Variants in CD300LD observed in about 807,000 individuals in gnomAD.
CD300LD encodes CMRF35-like molecule 5.
CD300LD carries 18 observed loss-of-function variants against 20.3 expected under a neutral mutation model. That is an observed-to-expected ratio of 0.89 (90% CI 0.61 to 1.32). CD300LD has a LOEUF of 1.32. Among genes scored for constraint, CD300LD ranks in the 40% most tolerant of loss-of-function variants. CD300LD has a pLI of 0.00. For synonymous variants in CD300LD, 104 were observed against 90.1 expected, an observed-to-expected ratio of 1.15 and a Z score of -0.87; for missense variants, 195 against 226.6, an observed-to-expected ratio of 0.86 and a Z score of 0.90.
chr17:74,579,795 G>A lies in CD300LD; in HGVS notation c.*207C>T, dbSNP rs1020590276. On this transcript the variant is annotated 3_prime_UTR_variant, in exon 4 of 4. Transcript: ENST00000375352. ...AGCTACTCTGGAGGTTGAGGCAGGAGGATCGCTTGAGCCTGGGAGGGGAAA... is the reference window on the plus strand; with the variant it reads ...AGCTACTCTGGAGGTTGAGGCAGGAAGATCGCTTGAGCCTGGGAGGGGAAA... The A allele has an allele frequency of 9.7e-5, 34 of 349,000 alleles. No individual in the cohort carries two copies. Among genetic ancestry groups the A allele is most frequent in the Non-Finnish European group, 1.5e-4 (28 of 183,906 alleles). 21.6% of individuals were successfully genotyped at this position (349,000 alleles called of 1,614,324 possible).
At chr17:74,586,161 G>T (rs935304335) in intron 2 of CD300LD, among the ~76,000 whole-genome samples, 1 of 152,204 alleles carries the variant, frequency 6.6e-6, no homozygotes, top group Non-Finnish European at 1.5e-5. Context: ...TTGTAAATGT[G>T]CACTGGCATC....
intron 2 of CD300LD, among the ~76,000 whole-genome samples, chr17:74,584,084 C>G (rs72844353): frequency 0.18 from 26,603 of 152,016 alleles, 2,496 homozygotes; most frequent in African/African-American, 0.23. Context: ...AAAATCCACT[C>G]ACTTGAATTG....
chr17:74,581,858 A>C (rs2030043193), intron 3 of CD300LD, among the ~76,000 whole-genome samples: 1 of 152,204 alleles, frequency 6.6e-6, no homozygotes, highest in South Asian at 2.1e-4. Context: ...CCTCAAAGGT[A>C]AACTGAGATT....
chr17:74,586,402 C>T (rs971496193), intron 2 of CD300LD, among the ~76,000 whole-genome samples: 1 of 152,148 alleles, frequency 6.6e-6, no homozygotes, highest in African/African-American at 2.4e-5. Context: ...TCTTATAATG[C>T]AGCCCCCCAC....
At chr17:74,580,466 C>A (rs372123980) in intron 3 of CD300LD, among the ~76,000 whole-genome samples, 1 of 152,254 alleles carries the variant, frequency 6.6e-6, no homozygotes, top group South Asian at 2.1e-4. Context: ...AGGGCCTCTC[C>A]GCCCTCATCG....
chr17:74,586,168 C>T (rs1158730568), intron 2 of CD300LD, among the ~76,000 whole-genome samples: 2 of 152,176 alleles, frequency 1.3e-5, no homozygotes, highest in African/African-American at 4.8e-5. Context: ...TGTGCACTGG[C>T]ATCTGTGAGA....
At chr17:74,584,890 C>T (rs370951426) in intron 2 of CD300LD, 1 of 152,536 alleles carries the variant, frequency 6.6e-6, no homozygotes, top group African/African-American at 2.4e-5. Context: ...AACCCTGGAA[C>T]AAGTCTGCCG....
At chr17:74,580,698 G>A (rs1719463) in intron 3 of CD300LD, among the ~76,000 whole-genome samples, 1,558 of 152,084 alleles carry the variant, frequency 0.01, 35 homozygotes, top group African/African-American at 0.036. Context: ...CCAGGGTCTC[G>A]ACCTCCCAAC....
In CD300LD at chr17:74,579,939, T is replaced by A; in HGVS notation, c.*63A>T. ...TGTTTTTTCTTCTGTGGGAGGGCCT[T>A]TCGCCCTGGACAGGACGTCAATGGG... On this transcript the variant is annotated 3_prime_UTR_variant, in exon 4 of 4. Coordinates refer to ENST00000375352, the MANE Select transcript of CD300LD (RefSeq NM_001115152.2). 1 of 1,005,450 alleles carries A rather than the reference T, an allele frequency of 9.9e-7. No homozygotes were observed. Among genetic ancestry groups the A allele is most frequent in the South Asian group, 1.4e-5 (1 of 72,762 alleles). 62.3% of individuals were successfully genotyped at this position (1,005,450 alleles called of 1,614,324 possible).
intron 3 of CD300LD, among the ~76,000 whole-genome samples, chr17:74,580,395 T>G (rs2030007298): frequency 6.6e-6 from 1 of 152,230 alleles, no homozygotes; most frequent in Non-Finnish European, 1.5e-5. Context: ...TCACCTATCT[T>G]GAAGGGGTTT....
At chr17:74,581,241 C>G (rs964852915) in intron 3 of CD300LD, among the ~76,000 whole-genome samples, 1 of 151,054 alleles carries the variant, frequency 6.6e-6, no homozygotes, top group Non-Finnish European at 1.5e-5. Flanking sequence ...GATGCATTCT[C>G]AGAACTCAAG....
chr17:74,578,760 C>T (rs1375291745), downstream of CD300LD, among the ~76,000 whole-genome samples: 1 of 152,148 alleles, frequency 6.6e-6, no homozygotes, highest in African/African-American at 2.4e-5. Flanking sequence ...GATCCTGGTT[C>T]ATGTTCCCAG....
chr17:74,585,463 G>A (rs367886188), intron 2 of CD300LD, among the ~76,000 whole-genome samples: 130 of 152,274 alleles, frequency 8.5e-4, no homozygotes, highest in African/African-American at 2.9e-3. Context: ...CCCTCCAGTA[G>A]CAGAAACGTC....
chr17:74,585,751 G>A (rs886537664), intron 2 of CD300LD, among the ~76,000 whole-genome samples: 2 of 152,200 alleles, frequency 1.3e-5, no homozygotes, highest in Non-Finnish European at 2.9e-5. Context: ...ACCCTTTGAT[G>A]TAAAGCATTT....
chr17:74,588,768 T>C lies in CD300LD; in HGVS notation c.122A>G (p.Tyr41Cys), dbSNP rs1172905801. 6 of 1,614,098 alleles carry C rather than the reference T, an allele frequency of 3.7e-6. No homozygotes were observed. In the Admixed American group the frequency reaches 5.0e-5, roughly 13 times the overall value. ...CAAGTAGGTCTCCCAGCCTGAGCCA[T>C]AAGCACACTGCACAGTCAATGAGCC... ...EQGSLTVQCAYGSGWETYLKW... is the reference protein window; with the variant it reads ...EQGSLTVQCACGSGWETYLKW... Residue 41 changes from tyrosine (Y) to cysteine (C), a missense_variant, in exon 2 of 4, where the codon TAT becomes TGT. Coordinates refer to ENST00000375352, the MANE Select transcript of CD300LD (RefSeq NM_001115152.2).
In CD300LD at chr17:74,579,897, A is replaced by G; in HGVS notation, c.*105T>C. The G allele has an allele frequency of 1.5e-6, 1 of 655,838 alleles. No homozygotes were observed. The highest frequency in any genetic ancestry group is 2.7e-6 in the Non-Finnish European group (1 of 374,822). The allele number at this position is 655,838 out of a possible 1,614,324, so 40.6% of individuals were successfully genotyped here. The stretch of plus-strand genomic sequence containing the variant: ...AAGACTCTATCTCTAGAAAGAAAAA[A>G]AGAAGAGAAAAGAAAATGTTTTTTC... On this transcript the variant is annotated 3_prime_UTR_variant, in exon 4 of 4. Coordinates refer to ENST00000375352, the MANE Select transcript of CD300LD (RefSeq NM_001115152.2).
chr17:74,579,969 G>T lies in CD300LD; in HGVS notation c.*33C>A. ...CCTGGACAGGACGTCAATGGGCATT[G>T]GGACTCTCATCATCGGGCTGACTCC... On this transcript the variant is annotated 3_prime_UTR_variant, in exon 4 of 4. Coordinates refer to ENST00000375352, the MANE Select transcript of CD300LD (RefSeq NM_001115152.2). 2.2e-6 allele frequency: 3 copies of T among 1,377,540 alleles called. No individual in the cohort carries two copies. The highest frequency in any genetic ancestry group is 2.1e-6 in the Non-Finnish European group (2 of 969,184). 85.3% of individuals were successfully genotyped at this position (1,377,540 alleles called of 1,614,324 possible).
At chr17:74,590,983 G>A (rs1158496667) in intron 1 of CD300LD, among the ~76,000 whole-genome samples, 1 of 152,104 alleles carries the variant, frequency 6.6e-6, no homozygotes, top group Non-Finnish European at 1.5e-5. Flanking sequence ...GCTGAGGTGG[G>A]AGGATGGCTT....
At chr17:74,579,172 G>A (rs566077152), downstream of CD300LD, among the ~76,000 whole-genome samples, 402 of 152,330 alleles carry the variant, frequency 2.6e-3, 6 homozygotes, top group Non-Finnish European at 1.2e-3. Context: ...CAGCTGGCAC[G>A]GCAGCCCGGA....
Sources: allele counts gnomAD v4.1 joint callset (sites outside exome capture counted in the v4.1 genomes callset), GRCh38; gene constraint gnomAD v4.1.1; transcripts MANE v1.5; gene names NCBI Gene and HGNC (gene_info 2026-07-23, HGNC 2026-07-21).